RADIL: variants seen among roughly 807,000 people sequenced by gnomAD.
RADIL encodes the protein ras-associating and dilute domain-containing protein.
Under a neutral mutation model 97.6 loss-of-function variants are expected in RADIL, and 99 were observed. That is an observed-to-expected ratio of 1.01 (90% CI 0.86 to 1.20). The LOEUF is 1.20. RADIL is among the 50% of genes most tolerant of loss of function. RADIL has a pLI of 0.00. For synonymous variants in RADIL, 803 were observed against 691.8 expected (o/e 1.16, Z -2.52); for missense variants, 1,765 against 1,498.9 (o/e 1.18, Z -2.93).
rs546590908 is a variant in RADIL at position 4,817,868 on chromosome 7, G to T, written c.1616-517C>A. ...CCGGGGCGGCTGGAGCTGAGGCTGG[G>T]GGGAGCTGCCCACGGAGTGGTTCCT... On this transcript the variant is annotated intron_variant, in intron 6 of 14. Coordinates refer to ENST00000399583, the MANE Select transcript of RADIL (RefSeq NM_018059.5). The surrounding 1 kb of genome is among the most constrained non-coding windows in gnomAD (Gnocchi z 8.3). 6.6e-6 allele frequency among the ~76,000 whole-genome samples: 1 copy of T among 152,322 alleles called. No homozygotes were observed. The highest frequency in any genetic ancestry group is 1.9e-4 in the East Asian group (1 of 5,174).
intron 2 of RADIL, among the ~76,000 whole-genome samples, chr7:4,839,751 G>T (rs991325268): frequency 1.3e-5 from 2 of 152,042 alleles, no homozygotes; most frequent in African/African-American, 4.8e-5. Flanking sequence ...AAGCTTTCCT[G>T]TTGGTTTGTT....
chr7:4,835,295 C>A lies in RADIL; in HGVS notation c.784-56G>T, dbSNP rs1028647771. ...TAACGCGAGCAGCACACGGGAAAAGCGTCCCGTGTCTAGTCACTGGTTGCT... is the reference window on the plus strand; with the variant it reads ...TAACGCGAGCAGCACACGGGAAAAGAGTCCCGTGTCTAGTCACTGGTTGCT... On this transcript the variant is annotated intron_variant, in intron 3 of 14. Coordinates refer to ENST00000399583, the MANE Select transcript of RADIL (RefSeq NM_018059.5). This position sits in a 1 kb window ranked among gnomAD's most constrained non-coding sequence, Gnocchi z 5.8. The A allele has an allele frequency of 2.3e-5, 36 of 1,572,670 alleles. No individual in the cohort carries two copies. The highest frequency in any genetic ancestry group is 1.1e-4 in the Admixed American group (6 of 56,750).
At chr7:4,829,679 G>T (rs1783087023) in intron 5 of RADIL, among the ~76,000 whole-genome samples, 1 of 152,056 alleles carries the variant, frequency 6.6e-6, no homozygotes, top group African/African-American at 2.4e-5. Context: ...ATGGGGGCGG[G>T]TCTTTGCCAT....
In RADIL at chr7:4,822,890, AAT is replaced by A. The variant is rs1782874208; in HGVS notation, c.1455-338_1455-337del. On this transcript the variant is annotated intron_variant, in intron 5 of 14. Transcript: ENST00000399583. The surrounding 1 kb of genome is among the most constrained non-coding windows in gnomAD (Gnocchi z 5.3). ...TGTGAATGCTGAGAGAATGTGTGCCAATATGTGTGTGTGTGCGTGTATGCGTG... is the reference window on the plus strand; with the variant it reads ...TGTGAATGCTGAGAGAATGTGTGCCAATGTGTGTGTGTGCGTGTATGCGTG... 1.3e-5 allele frequency among the ~76,000 whole-genome samples: 2 copies of A among 151,972 alleles called. No individual in the cohort carries two copies. The highest frequency in any genetic ancestry group is 2.9e-5 in the Non-Finnish European group (2 of 67,816).
At chr7:4,826,790 C>T (rs766326129) in intron 5 of RADIL, among the ~76,000 whole-genome samples, 3 of 149,962 alleles carry the variant, frequency 2.0e-5, no homozygotes, top group Admixed American at 1.3e-4. Flanking sequence ...AAATCAAAGG[C>T]AAAACGCACA....
intron 4 of RADIL, among the ~76,000 whole-genome samples, chr7:4,833,316 G>A (rs1346156819): frequency 6.6e-6 from 1 of 152,228 alleles, no homozygotes; most frequent in East Asian, 1.9e-4. Flanking sequence ...CTCGGGAAAT[G>A]ACAATGATCG....
At chr7:4,805,298 G>A (rs560088527) in intron 10 of RADIL, 35 of 414,048 alleles carry the variant, frequency 8.5e-5, no homozygotes, top group Non-Finnish European at 1.4e-4. Context: ...GTGAGGGAAC[G>A]AGGGGGCCTT....
intron 1 of RADIL, among the ~76,000 whole-genome samples, chr7:4,881,056 C>T (rs1226145986): frequency 8.2e-6 from 1 of 122,242 alleles, no homozygotes; most frequent in African/African-American, 3.1e-5. Flanking sequence ...GCTATGATTG[C>T]GCCACGTCAC....
chr7:4,803,188 G>T (rs1362558159), intron 11 of RADIL, among the ~76,000 whole-genome samples: 4 of 69,690 alleles, frequency 5.7e-5, no homozygotes, highest in African/African-American at 1.1e-4. Context: ...GCTGGCTGGG[G>T]GGCCCCCTCC....
rs1783453389 is a variant in RADIL at position 4,842,088 on chromosome 7, C to T, written c.536-5483G>A. Among the ~76,000 whole-genome samples the T allele has an allele frequency of 6.6e-6, 1 of 151,708 alleles. No individual in the cohort carries two copies. Among genetic ancestry groups the T allele is most frequent in the African/African-American group, 2.4e-5 (1 of 41,278 alleles). On this transcript the variant is annotated intron_variant, in intron 2 of 14. Coordinates refer to ENST00000399583, the MANE Select transcript of RADIL (RefSeq NM_018059.5). The surrounding 1 kb of genome is among the most constrained non-coding windows in gnomAD (Gnocchi z 4.5). ...AAAAAAGATGCAACAAGGCCAGAGG[C>T]TGGAATAGCAGCGTAGGCCTCGTAA...
chr7:4,807,611 C>T (rs1782361543), intron 9 of RADIL, among the ~76,000 whole-genome samples: 1 of 88,704 alleles, frequency 1.1e-5, no homozygotes, highest in Non-Finnish European at 2.3e-5. Context: ...CCCTCTCCTT[C>T]TCTCTCCCCC....
intron 2 of RADIL, 52 bp from the exon 3 acceptor site, chr7:4,836,657 AC>A: frequency 6.3e-7 from 1 of 1,597,976 alleles, no homozygotes; most frequent in Non-Finnish European, 8.5e-7. Flanking sequence ...TAGCACCAGG[AC>A]TGGGCGCGGT....
intron 12 of RADIL, among the ~76,000 whole-genome samples, chr7:4,800,604 C>G (rs1038895305): frequency 1.3e-5 from 2 of 152,198 alleles, no homozygotes; most frequent in South Asian, 2.1e-4. Context: ...GGGACCCACG[C>G]GGTTCTGTGC....
chr7:4,802,099 C>A (rs1018371463), intron 11 of RADIL, 104 bp from the exon 12 acceptor site: 2 of 975,912 alleles, frequency 2.0e-6, no homozygotes, highest in Non-Finnish European at 3.0e-6. Flanking sequence ...GGCCGCGGGG[C>A]AGAGGTCAGC....
At chr7:4,828,485 A>G (rs1201313543) in intron 5 of RADIL, among the ~76,000 whole-genome samples, 1 of 152,234 alleles carries the variant, frequency 6.6e-6, no homozygotes, top group Non-Finnish European at 1.5e-5. Flanking sequence ...GGAATGTAGC[A>G]CTCCACATTA....
chr7:4,855,443 T>C (rs1293807448), intron 2 of RADIL, among the ~76,000 whole-genome samples: 1 of 151,966 alleles, frequency 6.6e-6, no homozygotes, highest in African/African-American at 2.4e-5. Flanking sequence ...GGTGAAGACC[T>C]ACGAGGAGAC....
In RADIL at chr7:4,834,681, C is replaced by T. The variant is rs1437767002; in HGVS notation, c.1342G>A (p.Ala448Thr). 2 of 1,381,692 alleles carry T rather than the reference C, an allele frequency of 1.4e-6. No individual in the cohort carries two copies. Among genetic ancestry groups the T allele is most frequent in the South Asian group, 2.1e-5 (1 of 48,214 alleles). 85.6% of individuals were successfully genotyped at this position (1,381,692 alleles called of 1,614,324 possible). A position where few individuals can be genotyped will look rare whatever the true frequency, so the allele number is the denominator to read the frequency against. The part of the protein sequence containing the change: ...FLLCLCIQHS[A>T]THFQPGTFGQ... ...AATGTGCCCGGCTGGAAGTGGGTGG[C>T]CGAGTGCTGGATGCAGAGGCACAGG... Residue 448 changes from alanine to threonine, a missense_variant, in exon 4 of 15, where the codon GCC becomes ACC. Physicochemically the swap from Ala to Thr is moderately conservative, Grantham distance 58. Transcript: ENST00000399583. This position sits in a 1 kb window ranked among gnomAD's most constrained non-coding sequence, Gnocchi z 6.0.
In RADIL at chr7:4,880,607, C is replaced by T. The variant is rs572561490; in HGVS notation, c.-64-2404G>A. Among the ~76,000 whole-genome samples, 29 of 152,350 alleles carry T rather than the reference C, an allele frequency of 1.9e-4. No homozygotes were observed. The highest frequency in any genetic ancestry group is 6.3e-4 in the African/African-American group (26 of 41,592). ...CTTAGAAGCCTCCAGGCAGCACACA[C>T]TGGCAGAGGGTCGGCCACCACCTTT... On this transcript the variant is annotated intron_variant, in intron 1 of 14. Transcript: ENST00000399583. This position sits in a 1 kb window ranked among gnomAD's most constrained non-coding sequence, Gnocchi z 4.5.
rs1277136374 is a variant in RADIL, at chr7:4,818,751, A to T, written c.1616-1400T>A. 6.6e-6 allele frequency among the ~76,000 whole-genome samples: 1 copy of T among 152,086 alleles called. No individual in the cohort carries two copies. Among genetic ancestry groups the T allele is most frequent in the Non-Finnish European group, 1.5e-5 (1 of 68,006 alleles). On this transcript the variant is annotated intron_variant, in intron 6 of 14. Transcript: ENST00000399583. The surrounding 1 kb of genome is among the most constrained non-coding windows in gnomAD (Gnocchi z 7.1). ...CTGACCCTGGCTGCCTCAGGCTGCC[A>T]GGTCTGAGAACCCAGCCCCACATCA...
Sources: gnomAD v4.1 joint callset for allele counts (sites outside exome capture counted in the v4.1 genomes callset) on GRCh38, gnomAD v4.1.1 for gene constraint, Gnocchi (gnomAD v3.1) non-coding constraint, MANE v1.5 for transcripts, NCBI Gene and HGNC (gene_info 2026-07-23, HGNC 2026-07-21) for gene names.